The following TMTC1 variants were observed in gnomAD, a reference collection of about 807,000 sequenced individuals.
TMTC1 encodes the protein transmembrane O-mannosyltransferase targeting cadherins 1.
Under a neutral mutation model 104.8 loss-of-function variants are expected in TMTC1, and 73 were observed. The observed-to-expected ratio is 0.70, with a 90% CI of 0.58 to 0.85. The LOEUF (loss-of-function observed/expected upper bound fraction) is 0.85, where lower values mean the gene tolerates loss of function less well. Ranked by LOEUF, TMTC1 falls within the 40% of genes least tolerant of loss-of-function variation. The pLI, the probability that TMTC1 is intolerant of heterozygous loss-of-function variation, is 0.00. For missense variants in TMTC1, 1,035 were observed against 1,096.1 expected (o/e 0.94, Z 0.79); for synonymous variants, 434 against 428.7 (o/e 1.01, Z -0.15).
At chr12:29,599,409 A>G (rs947430796) in intron 7 of TMTC1, among the ~76,000 whole-genome samples, 3 of 152,264 alleles carry the variant, frequency 2.0e-5, no homozygotes, top group African/African-American at 7.2e-5. Flanking sequence ...TGCTAAGCAG[A>G]TAGCCTATTT....
At chr12:29,551,581 G>C (rs962401790) in intron 10 of TMTC1, among the ~76,000 whole-genome samples, 1 of 152,128 alleles carries the variant, frequency 6.6e-6, no homozygotes, top group East Asian at 1.9e-4. Flanking sequence ...TTGGCAATAA[G>C]GGAGGTATGA....
intron 5 of TMTC1, among the ~76,000 whole-genome samples, chr12:29,694,952 C>T (rs1481290244): frequency 6.6e-6 from 1 of 151,940 alleles, no homozygotes; most frequent in African/African-American, 2.4e-5. Flanking sequence ...CAAAACAAAA[C>T]AAAACAAAAC....
rs1187154566 is a variant in TMTC1 at position 29,502,311 on chromosome 12, G to A, written c.*4535C>T. 1 of 148,726 alleles carries A rather than the reference G, an allele frequency of 6.7e-6. No homozygotes were observed. The highest frequency in any genetic ancestry group is 1.5e-5 in the Non-Finnish European group (1 of 67,510). The allele number at this position is 148,726 out of a possible 1,614,324, so 9.2% of individuals were successfully genotyped here. On this transcript the variant is annotated 3_prime_UTR_variant, in exon 18 of 18. Coordinates refer to ENST00000539277, the MANE Select transcript of TMTC1 (RefSeq NM_001193451.2). ...CCTCTAAATTTATTATTTTAAGAAG[G>A]TGAATCCACCACAAATCAAAGCAAA... is the stretch of plus-strand genomic sequence containing the variant.
intron 7 of TMTC1, among the ~76,000 whole-genome samples, chr12:29,596,618 A>C (rs80190615): frequency 0.011 from 1,732 of 152,316 alleles, 14 homozygotes; most frequent in Non-Finnish European, 0.02. Flanking sequence ...ATAAGCACAC[A>C]CATCCTCACA....
At chr12:29,611,817 C>T (rs1342077163) in intron 6 of TMTC1, among the ~76,000 whole-genome samples, 1 of 152,050 alleles carries the variant, frequency 6.6e-6, no homozygotes, top group Non-Finnish European at 1.5e-5. Flanking sequence ...GGGGGCAGGC[C>T]GCAGTAAAAG....
chr12:29,636,939 C>T (rs952212111), intron 5 of TMTC1, among the ~76,000 whole-genome samples: 1 of 151,684 alleles, frequency 6.6e-6, no homozygotes, highest in African/African-American at 2.4e-5. Flanking sequence ...ACCTGTAGTC[C>T]CAGCTAGTCC....
intron 15 of TMTC1, 88 bp downstream of exon 15, chr12:29,516,261 T>G: frequency 6.7e-7 from 1 of 1,485,146 alleles, no homozygotes; most frequent in Non-Finnish European, 9.1e-7. Flanking sequence ...TTTCCCAGGC[T>G]TATAAACACG....
intron 5 of TMTC1, among the ~76,000 whole-genome samples, chr12:29,695,386 A>C (rs1224335422): frequency 3.3e-5 from 5 of 151,974 alleles, no homozygotes; most frequent in African/African-American, 7.3e-5. Flanking sequence ...GGCTCACTGC[A>C]ACCTCCCACT....
intron 7 of TMTC1, among the ~76,000 whole-genome samples, chr12:29,592,796 T>C (rs942003701): frequency 2.0e-5 from 3 of 152,202 alleles, no homozygotes; most frequent in African/African-American, 7.2e-5. Context: ...CACAAAACAA[T>C]ACATTATAAC....
chr12:29,625,222 T>C (rs1164322432), intron 6 of TMTC1, among the ~76,000 whole-genome samples: 1 of 152,204 alleles, frequency 6.6e-6, no homozygotes, highest in African/African-American at 2.4e-5. Context: ...TCTATGTTCA[T>C]AAAAGTTTAA....
At position 29,723,562 on chromosome 12, in the gene TMTC1, C is replaced by CT. The variant is rs1009215368; in HGVS notation, c.938+28103dup. Reference sequence around the variant, plus strand: ...ATAGTGAGACCCCATCTGTACTTTTCTTTTTTTTTTAATTAGTCAGATGTC... The same window carrying CT: ...ATAGTGAGACCCCATCTGTACTTTTCTTTTTTTTTTTAATTAGTCAGATGTC... On this transcript the variant is annotated intron_variant, in intron 5 of 17. Transcript: ENST00000539277. Among the ~76,000 whole-genome samples, 12 of 148,418 alleles carry CT rather than the reference C, an allele frequency of 8.1e-5. No individual in the cohort carries two copies. In the East Asian group the frequency reaches 1.2e-3, roughly 15 times the overall value.
Position 29,503,010 on chromosome 12 carries a change from C to T in TMTC1, c.*3836G>A, listed in dbSNP as rs531680369. 5 of 152,196 alleles carry T rather than the reference C, an allele frequency of 3.3e-5. No homozygotes were observed. Among genetic ancestry groups the T allele is most frequent in the South Asian group, 2.1e-4 (1 of 4,828 alleles). 9.4% of individuals were successfully genotyped at this position (152,196 alleles called of 1,614,324 possible). A position where few individuals can be genotyped will look rare whatever the true frequency, so the allele number is the denominator to read the frequency against. ...CAGGAAACCCACATTTGCTCTGTTT[C>T]GCCTCAGAGTACAGTTATTGTGGGT... On this transcript the variant is annotated 3_prime_UTR_variant, in exon 18 of 18. Coordinates refer to ENST00000539277, the MANE Select transcript of TMTC1 (RefSeq NM_001193451.2).
intron 5 of TMTC1, among the ~76,000 whole-genome samples, chr12:29,745,288 G>T (rs1942923539): frequency 6.6e-6 from 1 of 151,936 alleles, no homozygotes; most frequent in Admixed American, 6.6e-5. Context: ...ACACCAAAGG[G>T]CACAGGGTCT....
chr12:29,740,865 T>A (rs530905833), intron 5 of TMTC1, among the ~76,000 whole-genome samples: 1 of 152,286 alleles, frequency 6.6e-6, no homozygotes, highest in South Asian at 2.1e-4. Flanking sequence ...GGCAAAAATA[T>A]AAATGTTTTG....
At chr12:29,566,680 A>G (rs1210655839) in intron 9 of TMTC1, among the ~76,000 whole-genome samples, 1 of 152,122 alleles carries the variant, frequency 6.6e-6, no homozygotes, top group Admixed American at 6.5e-5. Context: ...AGGTGGTCAG[A>G]TTCTGTGTGT....
At chr12:29,578,962 C>T (rs533625149) in intron 8 of TMTC1, among the ~76,000 whole-genome samples, 1 of 152,274 alleles carries the variant, frequency 6.6e-6, no homozygotes, top group African/African-American at 2.4e-5. Context: ...CACCAGTTTC[C>T]ATGGATCACT....
intron 5 of TMTC1, among the ~76,000 whole-genome samples, chr12:29,638,241 C>T (rs1197713313): frequency 6.6e-6 from 1 of 152,040 alleles, no homozygotes; most frequent in African/African-American, 2.4e-5. Context: ...GAGACCCTAG[C>T]GGGCACAGAT....
chr12:29,546,826 G>A (rs1264615337), intron 10 of TMTC1, among the ~76,000 whole-genome samples: 3 of 152,110 alleles, frequency 2.0e-5, no homozygotes, highest in Non-Finnish European at 2.9e-5. Flanking sequence ...GAAGTTTGAA[G>A]CTGTTGTGTG....
intron 17 of TMTC1, among the ~76,000 whole-genome samples, chr12:29,508,156 AG>A (rs1943741537): frequency 6.6e-6 from 1 of 152,204 alleles, no homozygotes; most frequent in South Asian, 2.1e-4. Context: ...ATTGGTGAAA[AG>A]GAAAGTGGAA....
Sources: allele counts gnomAD v4.1 joint callset (sites outside exome capture counted in the v4.1 genomes callset), GRCh38; gene constraint gnomAD v4.1.1; transcripts MANE v1.5; gene names NCBI Gene and HGNC (gene_info 2026-07-23, HGNC 2026-07-21).